C9orf85: variants seen among roughly 807,000 people sequenced by gnomAD.
C9orf85 encodes chromosome 9 open reading frame 85.
A neutral mutation model predicts 14.9 loss-of-function variants in C9orf85; 16 were observed. That is an observed-to-expected ratio of 1.08 (90% CI 0.73 to 1.63). The LOEUF is 1.63. Among genes scored for constraint, C9orf85 ranks in the 40% most tolerant of loss-of-function variants. The probability of loss-of-function intolerance (pLI) is 0.00; values close to 1 mark genes in which losing one functional copy is unlikely to be tolerated. For missense variants in C9orf85, 172 were observed against 186.1 expected (o/e 0.92, Z 0.44); for synonymous variants, 45 against 56.8 (o/e 0.79, Z 0.93).
chr9:71,957,822 T>G (rs1400987733), intron 2 of C9orf85, among the ~76,000 whole-genome samples: 2 of 152,176 alleles, frequency 1.3e-5, no homozygotes, highest in Non-Finnish European at 2.9e-5. Context: ...TGAGCCATGA[T>G]ACAGCATCAC....
chr9:71,971,208 G>A (rs554687416), intron 2 of C9orf85, among the ~76,000 whole-genome samples: 1 of 152,014 alleles, frequency 6.6e-6, no homozygotes, highest in Non-Finnish European at 1.5e-5. Flanking sequence ...TTGTTTCTTG[G>A]TAGTGTATAG....
intron 2 of C9orf85, among the ~76,000 whole-genome samples, chr9:71,957,906 T>C (rs1307133193): frequency 6.6e-6 from 1 of 152,126 alleles, no homozygotes; most frequent in Non-Finnish European, 1.5e-5. Flanking sequence ...TTAGTAAGAA[T>C]TGGGATGTAG....
intron 1 of C9orf85, among the ~76,000 whole-genome samples, chr9:71,943,406 G>A (rs937982545): frequency 2.0e-5 from 3 of 152,034 alleles, no homozygotes; most frequent in Non-Finnish European, 4.4e-5. Context: ...AACTACCGTA[G>A]TATCTTCCTT....
intron 1 of C9orf85, among the ~76,000 whole-genome samples, chr9:71,940,147 TAC>T (rs1828292988): frequency 6.6e-6 from 1 of 152,076 alleles, no homozygotes; most frequent in Admixed American, 6.6e-5. Context: ...TTGCAAAGCA[TAC>T]ATCTGATAAA....
chr9:71,931,125 C>G (rs1056680182), intron 1 of C9orf85, among the ~76,000 whole-genome samples: 2 of 152,122 alleles, frequency 1.3e-5, no homozygotes, highest in Admixed American at 6.5e-5. Context: ...AGTGCAGTAC[C>G]CATGTCAATC....
intron 1 of C9orf85, among the ~76,000 whole-genome samples, chr9:71,946,776 AGAGT>A (rs1822097933): frequency 6.6e-6 from 1 of 151,284 alleles, no homozygotes; most frequent in South Asian, 2.1e-4. Context: ...CCTGGGCGAC[AGAGT>A]GAGACTCTGT....
chr9:71,911,999 T>A (rs766303499), intron 1 of C9orf85, 163 bp downstream of exon 1: 5 of 698,442 alleles, frequency 7.2e-6, no homozygotes, highest in African/African-American at 1.8e-5. Flanking sequence ...TCTCACGCCC[T>A]TTCTTTGACC....
chr9:71,915,715 A>G (rs771925067), intron 1 of C9orf85, among the ~76,000 whole-genome samples: 48 of 152,230 alleles, frequency 3.2e-4, no homozygotes, highest in Admixed American at 7.2e-4. Flanking sequence ...TGATGTGTAC[A>G]TTTCTAGATA....
chr9:71,929,314 T>C (rs1828014244), intron 1 of C9orf85, among the ~76,000 whole-genome samples: 1 of 152,188 alleles, frequency 6.6e-6, no homozygotes, highest in Non-Finnish European at 1.5e-5. Flanking sequence ...TCTTTTAAGA[T>C]CACTAACTTG....
intron 1 of C9orf85, among the ~76,000 whole-genome samples, chr9:71,937,178 G>C (rs751005822): frequency 6.6e-6 from 1 of 152,188 alleles, no homozygotes; most frequent in African/African-American, 2.4e-5. Context: ...AAGTAAGTGA[G>C]AAAAATATAC....
At chr9:71,917,510 C>A (rs926366993) in intron 1 of C9orf85, among the ~76,000 whole-genome samples, 1 of 152,230 alleles carries the variant, frequency 6.6e-6, no homozygotes, top group South Asian at 2.1e-4. Flanking sequence ...TGTTTACACA[C>A]ACCTTTATTC....
chr9:71,961,164 G>T (rs946254302), intron 2 of C9orf85, among the ~76,000 whole-genome samples: 1 of 151,774 alleles, frequency 6.6e-6, no homozygotes, highest in African/African-American at 2.4e-5. Flanking sequence ...CGCCCACCTC[G>T]GTCTCCCAGA....
At chr9:71,947,644 T>C (rs1589259642) in intron 2 of C9orf85, among the ~76,000 whole-genome samples, 2 of 152,024 alleles carry the variant, frequency 1.3e-5, no homozygotes. Flanking sequence ...TTTTTTTTTT[T>C]TCTTTCTTTC....
At chr9:71,976,451 A>G (rs1295696682), downstream of C9orf85, among the ~76,000 whole-genome samples, 2 of 152,126 alleles carry the variant, frequency 1.3e-5, no homozygotes, top group Non-Finnish European at 2.9e-5. Context: ...TCACGAGGTC[A>G]GGAGATCGAG....
At chr9:71,961,552 C>G (rs1006976841) in intron 2 of C9orf85, among the ~76,000 whole-genome samples, 2 of 152,010 alleles carry the variant, frequency 1.3e-5, no homozygotes, top group African/African-American at 4.8e-5. Context: ...CAAAGTAAGA[C>G]TCCGCCTCAA....
intron 2 of C9orf85, among the ~76,000 whole-genome samples, chr9:71,949,209 C>T (rs1278455405): frequency 6.6e-6 from 1 of 152,110 alleles, no homozygotes; most frequent in East Asian, 1.9e-4. Context: ...AGGCAATAAA[C>T]AACATTTATG....
chr9:71,947,116 A>G lies in C9orf85; in HGVS notation c.209+4A>G. The G allele has an allele frequency of 6.3e-7, 1 of 1,591,898 alleles. No homozygotes were observed. The highest frequency in any genetic ancestry group is 8.6e-7 in the Non-Finnish European group (1 of 1,161,214). On this transcript the variant is annotated splice_donor_region_variant and intron_variant, in intron 2 of 3. Transcript: ENST00000334731. ...CATTATCAAAACCTAAAAAGTGGTG[A>G]GTTAAGATTCTTCATTACCTTACTT... is the stretch of plus-strand genomic sequence containing the variant.
chr9:71,928,009 A>G (rs1827970838), intron 1 of C9orf85, among the ~76,000 whole-genome samples: 1 of 152,026 alleles, frequency 6.6e-6, no homozygotes, highest in African/African-American at 2.4e-5. Context: ...AACATGATGA[A>G]ACTCCGACTC....
chr9:71,973,926 T>G (rs1033995038), downstream of C9orf85, among the ~76,000 whole-genome samples: 6 of 150,932 alleles, frequency 4.0e-5, no homozygotes, highest in Non-Finnish European at 7.4e-5. Flanking sequence ...TTTATTTATT[T>G]TATTAATTTA....
Sources: allele counts gnomAD v4.1 joint callset (sites outside exome capture counted in the v4.1 genomes callset), GRCh38; gene constraint gnomAD v4.1.1; transcripts MANE v1.5; gene names NCBI Gene and HGNC (gene_info 2026-07-23, HGNC 2026-07-21).